UBE3C: variants seen among roughly 807,000 people sequenced by gnomAD.
The protein encoded by UBE3C is ubiquitin-protein ligase E3C.
Under a neutral mutation model 129.4 loss-of-function variants are expected in UBE3C, and 42 were observed. That is an observed-to-expected ratio of 0.32 (90% confidence interval 0.25 to 0.42). The LOEUF (loss-of-function observed/expected upper bound fraction) is 0.42. UBE3C is among the 10% of genes least tolerant of loss of function. The pLI is 1.00. For missense variants in UBE3C, 1,049 were observed against 1,319.1 expected, an observed-to-expected ratio of 0.80 and a Z score of 3.17; for synonymous variants, 510 against 492.4, an observed-to-expected ratio of 1.04 and a Z score of -0.47.
At chr7:157,209,751 TTAA>T (rs1217928643) in intron 13 of UBE3C, among the ~76,000 whole-genome samples, 11 of 152,244 alleles carry the variant, frequency 7.2e-5, no homozygotes, top group Non-Finnish European at 1.6e-4. Flanking sequence ...ATCTCTGAAC[TTAA>T]TAATGCCATA....
Position 157,204,980 on chromosome 7 carries a change from G to A in UBE3C, c.1419-2418G>A, listed in dbSNP as rs375440727. 7.2e-5 allele frequency among the ~76,000 whole-genome samples: 11 copies of A among 152,366 alleles called. No homozygotes were observed. The East Asian group carries it at 2.1e-3, about 29-fold the overall frequency. On this transcript the variant is annotated intron_variant, in intron 11 of 22. Transcript: ENST00000348165. ...CCCTTGTTCTCAAGATCTAGACAGA[G>A]GTTAGGGATTGCCTCGGGTCTCACT...
chr7:157,169,745 G>C (rs543453207), intron 3 of UBE3C, among the ~76,000 whole-genome samples: 1 of 152,030 alleles, frequency 6.6e-6, no homozygotes, highest in African/African-American at 2.4e-5. Flanking sequence ...GCAGTTGCAC[G>C]ATCTTGGCTC....
intron 1 of UBE3C, among the ~76,000 whole-genome samples, chr7:157,146,927 G>A (rs1365048973): frequency 6.6e-6 from 1 of 152,116 alleles, no homozygotes; most frequent in Non-Finnish European, 1.5e-5. Flanking sequence ...CTGGGGTTAC[G>A]GGAGTGAGAC....
intron 4 of UBE3C, among the ~76,000 whole-genome samples, chr7:157,174,088 G>T (rs1287981506): frequency 1.3e-5 from 2 of 152,150 alleles, no homozygotes; most frequent in Admixed American, 1.3e-4. Flanking sequence ...CTTTGCCGAG[G>T]GTGGTGGCTC....
At chr7:157,154,668 A>G (rs1807853903) in intron 1 of UBE3C, among the ~76,000 whole-genome samples, 1 of 152,202 alleles carries the variant, frequency 6.6e-6, no homozygotes, top group African/African-American at 2.4e-5. Flanking sequence ...TTACCACACA[A>G]TTCTGAGGTA....
intron 18 of UBE3C, among the ~76,000 whole-genome samples, chr7:157,238,238 C>T (rs1347469272): frequency 5.3e-5 from 8 of 152,088 alleles, no homozygotes; most frequent in South Asian, 4.1e-4. Flanking sequence ...GTGGAGGTCA[C>T]GCTCTGGAGT....
chr7:157,171,687 T>TATATATATATA (rs1491094674), intron 4 of UBE3C, among the ~76,000 whole-genome samples: 58 of 6,142 alleles, frequency 9.4e-3, no homozygotes, highest in African/African-American at 0.018. Context: ...TATATATATA[T>TATATATATATA]TTTTTTTTTT....
intron 10 of UBE3C, chr7:157,198,238 A>G: frequency 7.5e-7 from 1 of 1,327,596 alleles, no homozygotes; most frequent in Non-Finnish European, 1.1e-6. Flanking sequence ...CCCAATCTGT[A>G]TCCTCCACCT....
At chr7:157,192,802 C>T in intron 10 of UBE3C, 1 of 1,294,156 alleles carries the variant, frequency 7.7e-7, no homozygotes, top group Non-Finnish European at 1.1e-6. Context: ...TGTTGTCTGA[C>T]TACTGCTTCA....
At chr7:157,257,207 A>G (rs771010304) in intron 22 of UBE3C, among the ~76,000 whole-genome samples, 163 bp downstream of exon 22, 21 of 152,144 alleles carry the variant, frequency 1.4e-4, no homozygotes, top group Admixed American at 2.6e-4. Context: ...TTTTGGTGCT[A>G]GTTTTATTTG....
At chr7:157,243,316 G>A (rs1249109044) in intron 18 of UBE3C, among the ~76,000 whole-genome samples, 2 of 152,112 alleles carry the variant, frequency 1.3e-5, no homozygotes, top group African/African-American at 2.4e-5. Flanking sequence ...GTGAGGCCTC[G>A]GCAGCTCTGC....
chr7:157,225,626 CCAT>C, intron 17 of UBE3C, 87 bp downstream of exon 17: 1 of 1,400,092 alleles, frequency 7.1e-7, no homozygotes, highest in African/African-American at 1.5e-5. Context: ...AAATTAGTGT[CCAT>C]CATCTTGTTC....
intron 22 of UBE3C, among the ~76,000 whole-genome samples, chr7:157,263,751 A>ATT (rs200761950): frequency 1.6e-5 from 2 of 124,854 alleles, no homozygotes; most frequent in African/African-American, 5.9e-5. Context: ...TTTATATTGG[A>ATT]TTTTTTTTTT....
chr7:157,257,619 C>G (rs1796784687), intron 22 of UBE3C, among the ~76,000 whole-genome samples: 1 of 151,774 alleles, frequency 6.6e-6, no homozygotes, highest in Non-Finnish European at 1.5e-5. Flanking sequence ...TGCCTGTAAT[C>G]CCAGTTACTT....
chr7:157,150,180 C>A (rs1807718175), intron 1 of UBE3C, among the ~76,000 whole-genome samples: 1 of 152,158 alleles, frequency 6.6e-6, no homozygotes, highest in Admixed American at 6.5e-5. Context: ...GAGTTCCAGA[C>A]CAGCCTGGCC....
At chr7:157,155,779 G>A (rs566994544) in intron 1 of UBE3C, among the ~76,000 whole-genome samples, 2 of 152,146 alleles carry the variant, frequency 1.3e-5, no homozygotes, top group South Asian at 4.1e-4. Flanking sequence ...AGAAGATAAC[G>A]ATAGTACCTA....
At chr7:157,179,578 A>G (rs952431723) in intron 6 of UBE3C, among the ~76,000 whole-genome samples, 1 of 152,198 alleles carries the variant, frequency 6.6e-6, no homozygotes, top group African/African-American at 2.4e-5. Context: ...ACATCCTCAT[A>G]GGTAGAAACC....
At chr7:157,161,841 G>A (rs968979743) in intron 1 of UBE3C, among the ~76,000 whole-genome samples, 15 of 152,032 alleles carry the variant, frequency 9.9e-5, no homozygotes, top group African/African-American at 3.6e-4. Context: ...GGAGGCCAAG[G>A]CGGGCAGATC....
At chr7:157,257,693 C>T (rs1168390031) in intron 22 of UBE3C, among the ~76,000 whole-genome samples, 9 of 143,202 alleles carry the variant, frequency 6.3e-5, no homozygotes, top group African/African-American at 2.1e-4. Context: ...GCCGAGATCG[C>T]GCCACTGCAC....
Sources: gnomAD v4.1 joint callset for allele counts (sites outside exome capture counted in the v4.1 genomes callset) on GRCh38, gnomAD v4.1.1 for gene constraint, MANE v1.5 for transcripts, NCBI Gene and HGNC (gene_info 2026-07-23, HGNC 2026-07-21) for gene names.